LILRB1: variants seen among roughly 807,000 people sequenced by gnomAD.
LILRB1 encodes the protein leukocyte immunoglobulin like receptor B1.
In LILRB1, 59 loss-of-function variants were observed where a neutral mutation model predicts 74.6. The observed-to-expected ratio is 0.79, with a 90% CI of 0.64 to 0.98. LILRB1 has a LOEUF of 0.98. Among genes scored for constraint, LILRB1 ranks in the 50% least tolerant of loss-of-function variants. LILRB1 has a pLI of 0.00. For synonymous variants in LILRB1, 328 were observed against 333.9 expected (o/e 0.98, Z 0.19); for missense variants, 804 against 822.6 (o/e 0.98, Z 0.28).
At chr19:54,620,880 T>A (rs898504347) in intron 1 of LILRB1, among the ~76,000 whole-genome samples, 12 of 152,130 alleles carry the variant, frequency 7.9e-5, no homozygotes, top group Admixed American at 5.9e-4. Context: ...TTATTTATTT[T>A]TTATTTTTTG....
chr19:54,620,054 C>CAA (rs140253774), intron 1 of LILRB1, among the ~76,000 whole-genome samples: 4 of 135,016 alleles, frequency 3.0e-5, no homozygotes, highest in African/African-American at 1.1e-4. Flanking sequence ...ATAGGTTTTG[C>CAA]AAAAAAAAAA....
At chr19:54,635,743 C>G (rs752440850) in intron 13 of LILRB1, 134 bp downstream of exon 13, 4 of 1,084,728 alleles carry the variant, frequency 3.7e-6, no homozygotes, top group Non-Finnish European at 5.7e-6. Flanking sequence ...CACGCTGCCT[C>G]CCGCCTGCTG....
At chr19:54,635,004 C>G in intron 10 of LILRB1, 100 bp from the exon 11 acceptor site, 1 of 1,397,332 alleles carries the variant, frequency 7.2e-7, no homozygotes, top group Non-Finnish European at 9.7e-7. Context: ...AACATGGAGG[C>G]AGGAGTGTTT....
At chr19:54,625,019 G>C (rs1189706913) in intron 1 of LILRB1, among the ~76,000 whole-genome samples, 1 of 43,634 alleles carries the variant, frequency 2.3e-5, no homozygotes, top group South Asian at 1.1e-3. Context: ...CCCTCCTGAA[G>C]AAGTGTCACT....
In LILRB1 at chr19:54,634,560, A is replaced by G. The variant is rs922084306; in HGVS notation, c.1364-81A>G. ...GTTGTGGGGGTTGGAGGTGGTGAAC[A>G]GAAGGTCCAGCAGTCACCTGCACAC... is the stretch of plus-strand genomic sequence containing the variant. On this transcript the variant is annotated intron_variant, in intron 9 of 14. Coordinates refer to ENST00000324602, the MANE Select transcript of LILRB1 (RefSeq NM_001081637.3). 5 of 1,528,028 alleles carry G rather than the reference A, an allele frequency of 3.3e-6. No individual in the cohort carries two copies. The African/African-American group carries it at 4.2e-5, about 13-fold the overall frequency. The allele number at this position is 1,528,028 out of a possible 1,614,324, so 94.7% of individuals were successfully genotyped here.
intron 10 of LILRB1, 57 bp downstream of exon 10, chr19:54,634,820 C>A: frequency 6.3e-7 from 1 of 1,589,684 alleles, no homozygotes; most frequent in Non-Finnish European, 8.6e-7. Flanking sequence ...CAGGGCACAG[C>A]CAAAGAGAAT....
chr19:54,620,373 G>A (rs574881896), intron 1 of LILRB1, among the ~76,000 whole-genome samples: 1 of 151,010 alleles, frequency 6.6e-6, no homozygotes, highest in African/African-American at 2.4e-5. Context: ...TTTTTTTTTT[G>A]AGATGGAGTC....
In LILRB1 at chr19:54,632,014, C is replaced by G. The variant is rs761880977; in HGVS notation, c.438C>G (p.Asp146Glu). The G allele has an allele frequency of 1.2e-6, 2 of 1,614,058 alleles. No homozygotes were observed. The highest frequency in any genetic ancestry group is 1.3e-5 in the African/African-American group (1 of 74,960). The change falls in exon 5 of 15, where the codon GAC becomes GAG. Residue 146 changes from aspartate (D) to glutamate (E), a missense_variant. By Grantham distance (45) the Asp-to-Glu change is conservative. Transcript: ENST00000324602. ...GAGGGAATGTAACCCTCCAGTGTGA[C>G]TCACAGGTGGCATTTGATGGCTTCA... Reference protein sequence around the residue: ...NSGGNVTLQCDSQVAFDGFIL... With the variant: ...NSGGNVTLQCESQVAFDGFIL...
chr19:54,635,276 A>G lies in LILRB1; in HGVS notation c.1580A>G (p.Asp527Gly), dbSNP rs1407024466. 1.2e-6 allele frequency: 2 copies of G among 1,612,548 alleles called. No homozygotes were observed. Among genetic ancestry groups the G allele is most frequent in the Non-Finnish European group, 1.7e-6 (2 of 1,178,790 alleles). Residue 527 changes from aspartate to glycine, a missense_variant, in exon 12 of 15, where the codon GAT becomes GGT. Transcript: ENST00000324602. ...GLQWRSSPAA[D>G]AQEENLYAAV... ...TCCCCCAGGTCCAGCCCAGCTGCCGATGCCCAGGAAGAAAACCTCTGTGAG... is the reference window on the plus strand; with the variant it reads ...TCCCCCAGGTCCAGCCCAGCTGCCGGTGCCCAGGAAGAAAACCTCTGTGAG...
chr19:54,630,730 C>T (rs750789959), intron 1 of LILRB1, 97 bp downstream of exon 1: 13 of 613,426 alleles, frequency 2.1e-5, no homozygotes, highest in Non-Finnish European at 3.1e-5. Flanking sequence ...CCGCTACCCT[C>T]GTCAGGAAGG....
upstream of LILRB1, among the ~76,000 whole-genome samples, chr19:54,627,649 T>C (rs1312019014): frequency 4.6e-5 from 7 of 152,222 alleles, no homozygotes; most frequent in Non-Finnish European, 7.3e-5. Context: ...AACTCTGGCT[T>C]TGAACCTCTG....
upstream of LILRB1, among the ~76,000 whole-genome samples, chr19:54,629,641 G>A (rs918816431): frequency 1.3e-5 from 2 of 150,834 alleles, no homozygotes; most frequent in African/African-American, 4.9e-5. Context: ...AGCCTCAGGT[G>A]TAGCTGGAGG....
At position 54,637,528 on chromosome 19, in the gene LILRB1, T is replaced by TAAAAAAAAA. The variant is rs982853962; in HGVS notation, c.*660_*668dup. On this transcript the variant is annotated 3_prime_UTR_variant, in exon 15 of 15. Coordinates refer to ENST00000324602, the MANE Select transcript of LILRB1 (RefSeq NM_001081637.3). ...GACAGAGGGAGACTCCATCTCAAAT[T>TAAAAAAAAA]AAAAAAAAAAAAAAAAAAGAAAGAA... 1.3e-5 allele frequency: 1 copy of TAAAAAAAAA among 78,802 alleles called. No homozygotes were observed. The highest frequency in any genetic ancestry group is 4.4e-5 in the African/African-American group (1 of 22,912). 4.9% of individuals were successfully genotyped at this position (78,802 alleles called of 1,614,324 possible). A position where few individuals can be genotyped will look rare whatever the true frequency, so the allele number is the denominator to read the frequency against.
Position 54,636,882 on chromosome 19 carries a change from A to T in LILRB1, c.*4A>T. ...CGCCACTCTGGCCATCCACTAGCCCAGGGGGGGACGCAGACCCCACACTCC... is the reference window on the plus strand; with the variant it reads ...CGCCACTCTGGCCATCCACTAGCCCTGGGGGGGACGCAGACCCCACACTCC... On this transcript the variant is annotated 3_prime_UTR_variant, in exon 15 of 15. Coordinates refer to ENST00000324602, the MANE Select transcript of LILRB1 (RefSeq NM_001081637.3). 6.2e-7 allele frequency: 1 copy of T among 1,603,458 alleles called. No homozygotes were observed. Among genetic ancestry groups the T allele is most frequent in the Non-Finnish European group, 8.5e-7 (1 of 1,178,252 alleles).
chr19:54,631,848 C>T (rs2063891201), intron 4 of LILRB1, 61 bp downstream of exon 4: 1 of 1,605,932 alleles, frequency 6.2e-7, no homozygotes, highest in Non-Finnish European at 8.5e-7. Context: ...GGACGGCTCT[C>T]AGGGGCTTCT....
chr19:54,622,893 C>G (rs2063491022), intron 1 of LILRB1, among the ~76,000 whole-genome samples: 1 of 152,142 alleles, frequency 6.6e-6, no homozygotes, highest in South Asian at 2.1e-4. Context: ...ATTGGACTTT[C>G]TCGAACGCTT....
chr19:54,617,766 T>TTCCCTA (rs2063348108), intron 1 of LILRB1, among the ~76,000 whole-genome samples: 1 of 152,078 alleles, frequency 6.6e-6, no homozygotes, highest in Admixed American at 6.6e-5. Context: ...AATTTAGGGT[T>TTCCCTA]ATTTAGCTGA....
chr19:54,631,223 C>T, intron 2 of LILRB1, 48 bp from the exon 3 acceptor site: 1 of 1,614,066 alleles, frequency 6.2e-7, no homozygotes, highest in Non-Finnish European at 8.5e-7. Flanking sequence ...AGGGGAGGAC[C>T]TGCCCAGGCT....
intron 1 of LILRB1, among the ~76,000 whole-genome samples, chr19:54,622,919 A>G (rs1464214952): frequency 6.6e-6 from 1 of 152,192 alleles, no homozygotes; most frequent in East Asian, 1.9e-4. Flanking sequence ...GCATCTATTG[A>G]GATGACCATA....
Sources: allele counts gnomAD v4.1 joint callset (sites outside exome capture counted in the v4.1 genomes callset), GRCh38; gene constraint gnomAD v4.1.1; transcripts MANE v1.5; gene names NCBI Gene and HGNC (gene_info 2026-07-23, HGNC 2026-07-21).